The following LMF1 variants were observed in gnomAD, a reference collection of about 807,000 sequenced individuals.
LMF1 encodes lipase maturation factor 1, also known as transmembrane protein 112.
Under a neutral mutation model 60.6 loss-of-function variants are expected in LMF1, and 68 were observed. The ratio of observed to expected loss-of-function variants is 1.12; its 90% CI spans 0.92 to 1.37. The LOEUF (loss-of-function observed/expected upper bound fraction) is 1.37. LMF1 is among the 40% of genes most tolerant of loss of function. LMF1 has a pLI of 0.00. For missense variants in LMF1, 948 were observed against 767.2 expected, an observed-to-expected ratio of 1.24 and a Z score of -2.78; for synonymous variants, 418 against 324.7, an observed-to-expected ratio of 1.29 and a Z score of -3.09.
At chr16:951,241 G>A (rs1207013761) in intron 2 of LMF1, among the ~76,000 whole-genome samples, 3 of 151,096 alleles carry the variant, frequency 2.0e-5, no homozygotes, top group Non-Finnish European at 2.9e-5. Context: ...GTCAGCCAAC[G>A]ACAGAGTCAG....
At chr16:976,840 C>T (rs1490253782) in intron 1 of LMF1, 2 of 454,160 alleles carry the variant, frequency 4.4e-6, no homozygotes, top group Admixed American at 4.7e-5. Flanking sequence ...TCCCTGAATC[C>T]TTTCCACATG....
At chr16:875,842 T>A (rs1017249978) in intron 6 of LMF1, among the ~76,000 whole-genome samples, 2 of 152,002 alleles carry the variant, frequency 1.3e-5, no homozygotes, top group Non-Finnish European at 2.9e-5. Context: ...AGGAGGTGTG[T>A]GGGGTCGGGG....
intron 2 of LMF1, among the ~76,000 whole-genome samples, chr16:936,310 T>C (rs1390892195): frequency 7.3e-6 from 1 of 136,134 alleles, no homozygotes; most frequent in East Asian, 2.2e-4. Flanking sequence ...CCCCGTGGGC[T>C]GAGGAAGGTG....
At chr16:934,480 C>T (rs1057209856) in intron 2 of LMF1, 3 of 579,104 alleles carry the variant, frequency 5.2e-6, no homozygotes, top group Non-Finnish European at 9.3e-6. Context: ...TTCCAAGATA[C>T]ACCTACTAAG....
chr16:976,174 C>CCG (rs2073136545), intron 1 of LMF1: 1 of 452,942 alleles, frequency 2.2e-6, no homozygotes, highest in South Asian at 1.6e-5. Flanking sequence ...GACCTCAGCC[C>CCG]CCCAGTGCCT....
In LMF1 at chr16:878,593, C is replaced by T. The variant is rs1189074337; in HGVS notation, c.897+977G>A. 1.3e-5 allele frequency among the ~76,000 whole-genome samples: 2 copies of T among 152,202 alleles called. No homozygotes were observed. The highest frequency in any genetic ancestry group is 2.4e-5 in the African/African-American group (1 of 41,440). ...ACGTGCACAGACGGGACGGGTGAAC[C>T]GACCGCAGGCACGCACCGTGAAACA... On this transcript the variant is annotated intron_variant, in intron 6 of 10. Coordinates refer to ENST00000262301, the MANE Select transcript of LMF1 (RefSeq NM_022773.4). The surrounding 1 kb of genome is among the most constrained non-coding windows in gnomAD (Gnocchi z 5.2).
chr16:857,129 C>T (rs139055274), intron 10 of LMF1, among the ~76,000 whole-genome samples: 87 of 152,350 alleles, frequency 5.7e-4, no homozygotes, highest in Middle Eastern at 3.4e-3. Flanking sequence ...CCGGCGTCTG[C>T]GGCGTGAGTG....
chr16:967,113 A>T (rs1436317829), intron 1 of LMF1, among the ~76,000 whole-genome samples: 2 of 152,194 alleles, frequency 1.3e-5, no homozygotes, highest in African/African-American at 4.8e-5. Flanking sequence ...GCTGTAACAG[A>T]CACAGGGCTG....
intron 10 of LMF1, among the ~76,000 whole-genome samples, chr16:860,708 G>T (rs2151687317): frequency 6.6e-6 from 1 of 152,216 alleles, no homozygotes; most frequent in Admixed American, 6.5e-5. Flanking sequence ...TTTGTGTGGG[G>T]TGAGACGTGG....
At chr16:972,473 C>T (rs142370259), upstream of LMF1, among the ~76,000 whole-genome samples, 6 of 152,306 alleles carry the variant, frequency 3.9e-5, no homozygotes, top group East Asian at 1.2e-3. Context: ...TACCTCTCCT[C>T]GTGACCTGGG....
At chr16:935,712 T>C (rs984700069) in intron 2 of LMF1, among the ~76,000 whole-genome samples, 1 of 152,186 alleles carries the variant, frequency 6.6e-6, no homozygotes, top group East Asian at 1.9e-4. Flanking sequence ...ACTAAAGACA[T>C]TAAGGAGCAA....
chr16:939,661 A>G (rs1383907331), intron 2 of LMF1, among the ~76,000 whole-genome samples: 2 of 152,260 alleles, frequency 1.3e-5, no homozygotes, highest in East Asian at 1.9e-4. Context: ...GGAGCAGTAC[A>G]TGCTGACCAA....
intron 10 of LMF1, chr16:855,576 C>T (rs2069163179): frequency 5.3e-6 from 2 of 380,856 alleles, no homozygotes; most frequent in Admixed American, 6.3e-5. Context: ...GTCACCGTCA[C>T]AAGCTCCCGG....
chr16:869,313 C>G (rs2069706681), intron 9 of LMF1: 2 of 673,018 alleles, frequency 3.0e-6, no homozygotes, highest in Admixed American at 4.1e-5. Flanking sequence ...CACCCCAGCA[C>G]CCTCTGTCTG....
intron 2 of LMF1, among the ~76,000 whole-genome samples, chr16:953,161 C>A (rs1435567157): frequency 4.7e-5 from 6 of 128,228 alleles, no homozygotes; most frequent in Non-Finnish European, 5.1e-5. Context: ...AACCAGCCTC[C>A]TGCACGTCCA....
chr16:914,779 C>CT, intron 3 of LMF1, among the ~76,000 whole-genome samples: 1 of 33,308 alleles, frequency 3.0e-5, no homozygotes, highest in African/African-American at 9.1e-5. Context: ...CCCTCCCTTC[C>CT]CATGACCACT....
intron 3 of LMF1, among the ~76,000 whole-genome samples, chr16:925,550 C>T (rs1235424137): frequency 3.3e-5 from 5 of 152,064 alleles, no homozygotes; most frequent in African/African-American, 1.2e-4. Context: ...GACAACATAG[C>T]AAGACCCTGT....
intron 3 of LMF1, among the ~76,000 whole-genome samples, chr16:926,976 C>T (rs957546465): frequency 3.9e-5 from 6 of 152,202 alleles, no homozygotes; most frequent in African/African-American, 1.2e-4. Context: ...GCGAGAACAC[C>T]ACTCCTGGAG....
intron 1 of LMF1, chr16:979,884 G>A (rs1254000676): frequency 1.5e-5 from 6 of 398,366 alleles, no homozygotes; most frequent in Admixed American, 2.7e-5. Context: ...AGTTCCGCGG[G>A]CGCCCCAGGC....
Sources: gnomAD v4.1 joint callset for allele counts (sites outside exome capture counted in the v4.1 genomes callset) on GRCh38, gnomAD v4.1.1 for gene constraint, Gnocchi (gnomAD v3.1) non-coding constraint, MANE v1.5 for transcripts, NCBI Gene and HGNC (gene_info 2026-07-23, HGNC 2026-07-21) for gene names.